RUFY1: variants seen among roughly 807,000 people sequenced by gnomAD.
RUFY1 encodes the protein RUN and FYVE domain-containing protein 1.
In RUFY1, 54 loss-of-function variants were observed where a neutral mutation model predicts 94.6. That is an observed-to-expected ratio of 0.57 (90% CI 0.46 to 0.72). The LOEUF (loss-of-function observed/expected upper bound fraction) is 0.72, where lower values mean the gene tolerates loss of function less well. Ranked by LOEUF, RUFY1 falls within the 30% of genes least tolerant of loss-of-function variation. The pLI, the probability that RUFY1 is intolerant of heterozygous loss-of-function variation, is 0.00. For synonymous variants in RUFY1, 396 were observed against 347.3 expected (o/e 1.14, Z -1.56); for missense variants, 883 against 883.9 (o/e 1.00, Z 0.01).
intron 1 of RUFY1, among the ~76,000 whole-genome samples, chr5:179,554,796 C>T (rs778429688): frequency 4.0e-4 from 61 of 151,648 alleles, no homozygotes; most frequent in Non-Finnish European, 7.5e-4. Context: ...GGTGAAACCC[C>T]GTCTCCACTA....
At chr5:179,569,112 C>T (rs2127524091) in intron 4 of RUFY1, 190 bp from the exon 5 acceptor site, 2 of 968,292 alleles carry the variant, frequency 2.1e-6, no homozygotes, top group African/African-American at 3.8e-5. Context: ...TTCTAAGCCA[C>T]AGGAAGAGAG....
rs969412909 is a variant in RUFY1, at chr5:179,550,895, G to A, written c.310+16G>A. The A allele has an allele frequency of 4.0e-5, 45 of 1,130,290 alleles. No homozygotes were observed. The highest frequency in any genetic ancestry group is 4.3e-5 in the Non-Finnish European group (40 of 924,720). 70.0% of individuals were successfully genotyped at this position (1,130,290 alleles called of 1,614,324 possible). A position where few individuals can be genotyped will look rare whatever the true frequency, so the allele number is the denominator to read the frequency against. ...GCGCGCGCAGGTAGGCTCGGGCCGG[G>A]TCTGTCCCGCGGCGGACTCGCGTGT... On this transcript the variant is annotated intron_variant, in intron 1 of 17. Transcript: ENST00000319449.
chr5:179,567,619 C>A, intron 4 of RUFY1, 57 bp downstream of exon 4: 1 of 1,295,564 alleles, frequency 7.7e-7, no homozygotes, highest in Non-Finnish European at 1.1e-6. Flanking sequence ...AGAACATAGG[C>A]TGGGTGCGGT....
intron 1 of RUFY1, among the ~76,000 whole-genome samples, chr5:179,557,019 TG>T (rs1257795190): frequency 6.6e-6 from 1 of 152,234 alleles, no homozygotes. Context: ...AATTATTTTT[TG>T]TTCCCTTATT....
In RUFY1 at chr5:179,567,350, G is replaced by A. The variant is rs748318674; in HGVS notation, c.603-111G>A. The stretch of plus-strand genomic sequence containing the variant: ...CCCAAACAGCCATTCTTAGAGTATC[G>A]TCTGCATTTACAAGGGTGTGTTTCC... On this transcript the variant is annotated intron_variant, in intron 3 of 17. Coordinates refer to ENST00000319449, the MANE Select transcript of RUFY1 (RefSeq NM_025158.5). The A allele has an allele frequency of 3.9e-5, 30 of 770,086 alleles. No individual in the cohort carries two copies. The Middle Eastern group carries it at 9.2e-4, about 24-fold the overall frequency. The allele number at this position is 770,086 out of a possible 1,614,324, so 47.7% of individuals were successfully genotyped here.
chr5:179,588,681 A>T (rs1764804462), intron 8 of RUFY1, among the ~76,000 whole-genome samples: 1 of 152,160 alleles, frequency 6.6e-6, no homozygotes, highest in Non-Finnish European at 1.5e-5. Context: ...CCCTTTACTA[A>T]GTGACAACTA....
At chr5:179,575,543 T>C (rs539297337) in intron 5 of RUFY1, among the ~76,000 whole-genome samples, 12 of 152,256 alleles carry the variant, frequency 7.9e-5, no homozygotes, top group African/African-American at 2.6e-4. Flanking sequence ...CTTTTTAACC[T>C]AGCTGCAGAA....
chr5:179,575,405 T>A (rs370967476), intron 5 of RUFY1, among the ~76,000 whole-genome samples: 1 of 152,196 alleles, frequency 6.6e-6, no homozygotes, highest in African/African-American at 2.4e-5. Context: ...AGGGGTTTCT[T>A]GGACATCTCC....
chr5:179,553,429 G>A (rs1376104475), intron 1 of RUFY1, among the ~76,000 whole-genome samples: 4 of 152,174 alleles, frequency 2.6e-5, no homozygotes, highest in Non-Finnish European at 4.4e-5. Context: ...TTTATAAAGA[G>A]AGTATTAAAG....
chr5:179,608,255 C>T (rs781045027), intron 17 of RUFY1: 104 of 986,022 alleles, frequency 1.1e-4, no homozygotes, highest in Non-Finnish European at 1.1e-4. Flanking sequence ...CTTTCTGCCA[C>T]AGCCATGTTC....
At chr5:179,609,312 CAGGG>C (rs1767473698) in intron 17 of RUFY1, 60 bp from the exon 18 acceptor site, 12 of 1,556,032 alleles carry the variant, frequency 7.7e-6, no homozygotes, top group Non-Finnish European at 1.1e-5. Flanking sequence ...GGTCAGGAAG[CAGGG>C]AGGGTGTGCG....
At chr5:179,604,018 T>C (rs563572138) in intron 15 of RUFY1, among the ~76,000 whole-genome samples, 15 of 152,186 alleles carry the variant, frequency 9.9e-5, no homozygotes, top group South Asian at 2.1e-4. Context: ...GATCGCGCCA[T>C]TGCACTCCAG....
rs1247355169 is a variant in RUFY1 at position 179,593,726 on chromosome 5, C to CAA, written c.1413+81_1413+82insAA. On this transcript the variant is annotated intron_variant, in intron 11 of 17. Transcript: ENST00000319449. Reference sequence around the variant, plus strand: ...TGTGTCATTCTTCTTACAAAATGAGCGAGTAGACACATAGAGCCCCTCGTA... The same window carrying CAA: ...TGTGTCATTCTTCTTACAAAATGAGCAAGAGTAGACACATAGAGCCCCTCGTA... 58 of 1,530,822 alleles carry CAA rather than the reference C, an allele frequency of 3.8e-5. No individual in the cohort carries two copies. In the East Asian group the frequency reaches 1.2e-3, roughly 33 times the overall value. 94.8% of individuals were successfully genotyped at this position (1,530,822 alleles called of 1,614,324 possible). A position where few individuals can be genotyped will look rare whatever the true frequency, so the allele number is the denominator to read the frequency against.
chr5:179,563,229 G>A (rs1338531805), intron 3 of RUFY1, among the ~76,000 whole-genome samples: 1 of 152,138 alleles, frequency 6.6e-6, no homozygotes, highest in Non-Finnish European at 1.5e-5. Flanking sequence ...GACGGGACTG[G>A]ACTGTTGAGC....
chr5:179,550,970 C>T, intron 1 of RUFY1, 91 bp downstream of exon 1: 2 of 964,682 alleles, frequency 2.1e-6, no homozygotes, highest in Non-Finnish European at 2.5e-6. Context: ...TGGGAGGGCA[C>T]TGGCCGTTCC....
chr5:179,572,179 C>T lies in RUFY1; in HGVS notation c.828+2754C>T, dbSNP rs1415674658. On this transcript the variant is annotated intron_variant, in intron 5 of 17. Transcript: ENST00000319449. ...TCATGGCTTCCAGTCAGTCGCAGCT[C>T]GGAAAGCCAGCCCCTGACTTCAAGG... 2.6e-5 allele frequency: 8 copies of T among 304,608 alleles called. No homozygotes were observed. The Middle Eastern group carries it at 1.5e-3, about 58-fold the overall frequency. The allele number at this position is 304,608 out of a possible 1,614,324, so 18.9% of individuals were successfully genotyped here.
At position 179,560,130 on chromosome 5, in the gene RUFY1, A is replaced by G. The variant is rs745444444; in HGVS notation, c.416A>G (p.Asp139Gly). The G allele has an allele frequency of 4.6e-5, 75 of 1,613,924 alleles. No individual in the cohort carries two copies. The highest frequency in any genetic ancestry group is 6.4e-5 in the Non-Finnish European group (75 of 1,179,974). ...GCTCTGAGCCTGGGCCGCAGCCTGG[A>G]TGCGGACCATGCCCCCTTGCAGCAG... ...QSALSLGRSL[D>G]ADHAPLQQFF... The change falls in exon 2 of 18, where the codon GAT (aspartate) becomes GGT (glycine). Residue 139 changes from aspartate to glycine, a missense_variant. Physicochemically the swap from Asp to Gly is moderately conservative, Grantham distance 94. Transcript: ENST00000319449.
chr5:179,586,760 G>A (rs570548524), intron 8 of RUFY1, among the ~76,000 whole-genome samples: 1 of 152,316 alleles, frequency 6.6e-6, no homozygotes, highest in East Asian at 1.9e-4. Flanking sequence ...GAAGCTTCAT[G>A]GAACTTAGGA....
At chr5:179,583,517 C>T (rs1481030038) in intron 7 of RUFY1, among the ~76,000 whole-genome samples, 9 of 147,656 alleles carry the variant, frequency 6.1e-5, no homozygotes, top group Admixed American at 1.4e-4. Flanking sequence ...CCCAGGTTCA[C>T]GCCATTCTCC....
Sources: allele counts gnomAD v4.1 joint callset (sites outside exome capture counted in the v4.1 genomes callset), GRCh38; gene constraint gnomAD v4.1.1; transcripts MANE v1.5; gene names NCBI Gene and HGNC (gene_info 2026-07-23, HGNC 2026-07-21).